STX8: variants seen among roughly 807,000 people sequenced by gnomAD.
STX8 encodes the protein syntaxin-8.
STX8 carries 23 observed loss-of-function variants against 37.5 expected under a neutral mutation model. The observed-to-expected ratio is 0.61, with a 90% CI of 0.44 to 0.87. STX8 has a LOEUF of 0.87. Among genes scored for constraint, STX8 ranks in the 40% least tolerant of loss-of-function variants. The pLI is 0.00. For missense variants in STX8, 313 were observed against 284.7 expected, an observed-to-expected ratio of 1.10 and a Z score of -0.71; for synonymous variants, 115 against 99.1, an observed-to-expected ratio of 1.16 and a Z score of -0.95.
At chr17:9,327,168 A>G (rs1363557432) in intron 7 of STX8, among the ~76,000 whole-genome samples, 2 of 151,148 alleles carry the variant, frequency 1.3e-5, no homozygotes, top group East Asian at 3.9e-4. Flanking sequence ...AAAAAAAAAA[A>G]AAGAAGAAGA....
At chr17:9,529,253 GA>G (rs1905709659) in intron 4 of STX8, among the ~76,000 whole-genome samples, 1 of 78,896 alleles carries the variant, frequency 1.3e-5, no homozygotes, top group Non-Finnish European at 2.7e-5. Flanking sequence ...CTCTTAGAGA[GA>G]GAGAGAGAGA....
At chr17:9,574,706 G>T (rs1907826769) in intron 1 of STX8, among the ~76,000 whole-genome samples, 2 of 152,068 alleles carry the variant, frequency 1.3e-5, no homozygotes, top group African/African-American at 4.8e-5. Context: ...GGCTAATTTT[G>T]TATTTTTAGT....
chr17:9,478,194 G>A (rs1029210131), intron 6 of STX8, among the ~76,000 whole-genome samples: 5 of 152,154 alleles, frequency 3.3e-5, no homozygotes, highest in Admixed American at 3.3e-4. Flanking sequence ...GGAGTGCAGT[G>A]GTGCAATCTC....
chr17:9,483,557 T>A (rs1906439273), intron 6 of STX8, among the ~76,000 whole-genome samples: 2 of 152,186 alleles, frequency 1.3e-5, no homozygotes, highest in Non-Finnish European at 2.9e-5. Flanking sequence ...TCTTCTAAAC[T>A]TTTAACATGA....
At position 9,338,279 on chromosome 17, in the gene STX8, C is replaced by T. The variant is rs550539595; in HGVS notation, c.643+40273G>A. 2.0e-5 allele frequency among the ~76,000 whole-genome samples: 3 copies of T among 151,928 alleles called. No homozygotes were observed. The South Asian group carries it at 6.2e-4, about 32-fold the overall frequency. On this transcript the variant is annotated intron_variant, in intron 7 of 7. Coordinates refer to ENST00000306357, the MANE Select transcript of STX8 (RefSeq NM_004853.3). Reference sequence around the variant, plus strand: ...ATGTTAGCCAGGCTGGTCTCAAACTCCTGACCTCAGGTGATCCGCCTACAT... The same window carrying T: ...ATGTTAGCCAGGCTGGTCTCAAACTTCTGACCTCAGGTGATCCGCCTACAT...
intron 3 of STX8, chr17:9,556,770 TATATATATATATATATATATATATAC>T (rs1245637652): frequency 3.7e-4 from 27 of 72,712 alleles, no homozygotes; most frequent in Admixed American, 6.4e-4. Context: ...TATATATATA[TATATATATATATATATATATATATAC>T]ACATACATAT....
intron 7 of STX8, among the ~76,000 whole-genome samples, chr17:9,325,420 C>G (rs2142210008): frequency 6.6e-6 from 1 of 152,270 alleles, no homozygotes; most frequent in Middle Eastern, 3.4e-3. Flanking sequence ...CAAGACCCAT[C>G]TATGGACTTG....
chr17:9,295,644 G>C (rs1276084550), intron 7 of STX8, among the ~76,000 whole-genome samples: 1 of 152,092 alleles, frequency 6.6e-6, no homozygotes, highest in Non-Finnish European at 1.5e-5. Context: ...TCGGGAGGCT[G>C]AGGCAGGAGA....
At chr17:9,454,081 A>C (rs1342630930) in intron 6 of STX8, among the ~76,000 whole-genome samples, 9 of 152,230 alleles carry the variant, frequency 5.9e-5, no homozygotes, top group Non-Finnish European at 1.5e-5. Context: ...CATTATATAT[A>C]CATCATTAAA....
chr17:9,344,158 A>G (rs1288038058), intron 7 of STX8, among the ~76,000 whole-genome samples: 1 of 152,138 alleles, frequency 6.6e-6, no homozygotes, highest in Non-Finnish European at 1.5e-5. Context: ...TTTTAGGCTA[A>G]GGAGATGTTT....
At chr17:9,454,726 C>A (rs1905140493) in intron 6 of STX8, among the ~76,000 whole-genome samples, 1 of 151,544 alleles carries the variant, frequency 6.6e-6, no homozygotes, top group African/African-American at 2.4e-5. Flanking sequence ...CTGCTATTTT[C>A]CATTTAATAT....
intron 7 of STX8, among the ~76,000 whole-genome samples, chr17:9,266,829 G>A (rs1475029597): frequency 1.3e-5 from 2 of 152,194 alleles, no homozygotes; most frequent in African/African-American, 4.8e-5. Context: ...GCTGATGAGA[G>A]AGCGGCCAGA....
chr17:9,313,155 C>T (rs903208827), intron 7 of STX8, among the ~76,000 whole-genome samples: 3 of 152,050 alleles, frequency 2.0e-5, no homozygotes, highest in African/African-American at 7.2e-5. Flanking sequence ...CACGCCATTG[C>T]ATTCCAGTTT....
intron 6 of STX8, among the ~76,000 whole-genome samples, chr17:9,487,138 C>T (rs572686774): frequency 6.6e-6 from 1 of 152,112 alleles, no homozygotes; most frequent in Admixed American, 6.6e-5. Context: ...TTTTAATTCT[C>T]TATGAGGAAA....
intron 5 of STX8, among the ~76,000 whole-genome samples, chr17:9,492,985 C>G (rs1171591194): frequency 6.6e-6 from 1 of 151,960 alleles, no homozygotes; most frequent in African/African-American, 2.4e-5. Flanking sequence ...GTAGGCCCAG[C>G]TACTGGGGAG....
At chr17:9,355,403 C>T (rs1051778126) in intron 7 of STX8, among the ~76,000 whole-genome samples, 1 of 148,916 alleles carries the variant, frequency 6.7e-6, no homozygotes, top group African/African-American at 2.5e-5. Flanking sequence ...GGCACAATCA[C>T]AGCTCACTGC....
At chr17:9,398,209 C>T (rs1912477034) in intron 6 of STX8, among the ~76,000 whole-genome samples, 1 of 152,162 alleles carries the variant, frequency 6.6e-6, no homozygotes, top group Non-Finnish European at 1.5e-5. Context: ...GCCTAACGAA[C>T]ACCACCTTAG....
chr17:9,563,475 C>T (rs1006340470), intron 2 of STX8, among the ~76,000 whole-genome samples: 6 of 152,026 alleles, frequency 3.9e-5, no homozygotes, highest in Non-Finnish European at 7.4e-5. Flanking sequence ...TGAGTCACCG[C>T]GCCTGGCCCG....
chr17:9,371,107 C>T (rs954990517), intron 7 of STX8, among the ~76,000 whole-genome samples: 7 of 152,098 alleles, frequency 4.6e-5, no homozygotes, highest in African/African-American at 1.7e-4. Context: ...AATTCATCAT[C>T]GGGCCTCTCT....
Sources: gnomAD v4.1 joint callset for allele counts (sites outside exome capture counted in the v4.1 genomes callset) on GRCh38, gnomAD v4.1.1 for gene constraint, MANE v1.5 for transcripts, NCBI Gene and HGNC (gene_info 2026-07-23, HGNC 2026-07-21) for gene names.